DLG2: variants seen among roughly 807,000 people sequenced by gnomAD.
DLG2 encodes the protein disks large homolog 2.
DLG2 carries 45 observed loss-of-function variants against 132.5 expected under a neutral mutation model. The observed-to-expected ratio is 0.34, with a 90% confidence interval of 0.27 to 0.44. The LOEUF (loss-of-function observed/expected upper bound fraction) is 0.44. Among genes scored for constraint, DLG2 ranks in the 20% least tolerant of loss-of-function variants. The pLI is 1.00. For synonymous variants in DLG2, 424 were observed against 419.6 expected (o/e 1.01, Z -0.13); for missense variants, 1,045 against 1,196.9 (o/e 0.87, Z 1.87).
At chr11:84,623,812 C>T (rs780685427) in intron 6 of DLG2, among the ~76,000 whole-genome samples, 1 of 152,156 alleles carries the variant, frequency 6.6e-6, no homozygotes, top group Non-Finnish European at 1.5e-5. Flanking sequence ...TACATACGTC[C>T]TTCCCACCAC....
intron 10 of DLG2, among the ~76,000 whole-genome samples, chr11:84,098,124 C>G (rs752164752): frequency 1.0e-4 from 15 of 149,974 alleles, no homozygotes; most frequent in Non-Finnish European, 1.5e-4. Flanking sequence ...TCTCAGTTCA[C>G]TGGGATCAAG....
At chr11:84,411,105 CA>C (rs961397289) in intron 7 of DLG2, among the ~76,000 whole-genome samples, 1 of 152,120 alleles carries the variant, frequency 6.6e-6, no homozygotes, top group African/African-American at 2.4e-5. Context: ...TTTCAGTAAA[CA>C]GAGGTAGAAT....
intron 6 of DLG2, among the ~76,000 whole-genome samples, chr11:84,891,334 T>G (rs1165066606): frequency 2.6e-5 from 4 of 152,176 alleles, no homozygotes; most frequent in African/African-American, 9.6e-5. Context: ...ATATTAGTAT[T>G]TTTAAATTAT....
intron 18 of DLG2, among the ~76,000 whole-genome samples, chr11:83,712,996 A>T (rs969862009): frequency 1.1e-4 from 16 of 140,450 alleles, no homozygotes; most frequent in Middle Eastern, 4.1e-3. Context: ...GAAAGAAAAT[A>T]AAAAAAAATT....
chr11:85,422,200 C>T (rs1394432322), intron 3 of DLG2, among the ~76,000 whole-genome samples: 2 of 152,160 alleles, frequency 1.3e-5, no homozygotes, highest in African/African-American at 4.8e-5. Flanking sequence ...CCCAGGAATT[C>T]TTTGTGCTTA....
At chr11:85,527,182 T>TA (rs2074828275) in intron 3 of DLG2, among the ~76,000 whole-genome samples, 1 of 150,674 alleles carries the variant, frequency 6.6e-6, no homozygotes. Context: ...TTTTATTTTT[T>TA]TTTTTTTTTA....
intron 7 of DLG2, among the ~76,000 whole-genome samples, chr11:84,254,381 G>A (rs565962050): frequency 9.2e-5 from 14 of 152,212 alleles, no homozygotes; most frequent in African/African-American, 3.1e-4. Context: ...CAAGAAGACT[G>A]TATGTCTAAA....
intron 3 of DLG2, among the ~76,000 whole-genome samples, chr11:85,475,017 C>A (rs1239672081): frequency 1.3e-5 from 2 of 150,972 alleles, no homozygotes; most frequent in African/African-American, 4.8e-5. Flanking sequence ...AATAAAATTT[C>A]TAAAAAGTTA....
intron 2 of DLG2, among the ~76,000 whole-genome samples, chr11:85,608,846 G>T (rs753761134): frequency 2.6e-5 from 4 of 152,182 alleles, no homozygotes; most frequent in Admixed American, 1.3e-4. Flanking sequence ...AATCTCTTTT[G>T]GAGAGATGTC....
At chr11:84,322,595 A>T (rs2098410586) in intron 7 of DLG2, among the ~76,000 whole-genome samples, 1 of 56,406 alleles carries the variant, frequency 1.8e-5, no homozygotes, top group Non-Finnish European at 3.1e-5. Flanking sequence ...ATTTCACAAG[A>T]ATTTTTTTTT....
intron 24 of DLG2, among the ~76,000 whole-genome samples, chr11:83,469,911 T>C (rs922086197): frequency 6.6e-6 from 1 of 152,266 alleles, no homozygotes; most frequent in Non-Finnish European, 1.5e-5. Context: ...TCTCAACATA[T>C]ATAAAATAAG....
At chr11:84,995,832 T>C (rs1391300536) in intron 6 of DLG2, among the ~76,000 whole-genome samples, 3 of 152,186 alleles carry the variant, frequency 2.0e-5, no homozygotes, top group Admixed American at 6.5e-5. Flanking sequence ...GGGAAATCGT[T>C]AGCAATACAG....
At position 85,227,567 on chromosome 11, in the gene DLG2, A is replaced by G. The variant is rs138226814; in HGVS notation, c.186+57653T>C. 2.2e-3 allele frequency among the ~76,000 whole-genome samples: 331 copies of G among 152,262 alleles called. 5 individuals carry two copies. The highest frequency in any genetic ancestry group is 7.5e-3 in the African/African-American group (310 of 41,572). ...TCAAAAATGAGCAAATAAATCTGTA[A>G]GTATTTTCTATCTGCCTTGCATAAT... is the stretch of plus-strand genomic sequence containing the variant. On this transcript the variant is annotated intron_variant, in intron 4 of 27. Transcript: ENST00000376104.
intron 6 of DLG2, among the ~76,000 whole-genome samples, chr11:84,623,334 A>T (rs544350528): frequency 2.6e-5 from 4 of 152,188 alleles, no homozygotes; most frequent in Non-Finnish European, 5.9e-5. Context: ...CTCCCTATCA[A>T]AATTCTACTC....
At chr11:85,367,799 G>A (rs1035809161) in intron 3 of DLG2, among the ~76,000 whole-genome samples, 3 of 151,658 alleles carry the variant, frequency 2.0e-5, no homozygotes, top group Non-Finnish European at 2.9e-5. Context: ...TACCTATTTC[G>A]GTTGCATCTT....
At chr11:85,398,242 C>T (rs1192613958) in intron 3 of DLG2, among the ~76,000 whole-genome samples, 1 of 152,004 alleles carries the variant, frequency 6.6e-6, no homozygotes, top group Admixed American at 6.6e-5. Context: ...AGAACAAAGA[C>T]ACAACGTACC....
chr11:83,792,287 A>G (rs1052527835), intron 17 of DLG2, among the ~76,000 whole-genome samples: 3 of 152,208 alleles, frequency 2.0e-5, no homozygotes, highest in Non-Finnish European at 4.4e-5. Context: ...TTGCTATTGC[A>G]CATTTTCAAA....
intron 5 of DLG2, among the ~76,000 whole-genome samples, chr11:85,139,041 C>T (rs951372087): frequency 6.6e-6 from 1 of 152,106 alleles, no homozygotes; most frequent in Non-Finnish European, 1.5e-5. Flanking sequence ...TCATTCAAGG[C>T]TCTGCTCAGA....
intron 5 of DLG2, among the ~76,000 whole-genome samples, chr11:85,124,335 T>G (rs1303628875): frequency 6.6e-6 from 1 of 152,238 alleles, no homozygotes; most frequent in East Asian, 1.9e-4. Context: ...TTCTCTACCA[T>G]ACGGTGATGC....
Sources: gnomAD v4.1 joint callset for allele counts (sites outside exome capture counted in the v4.1 genomes callset) on GRCh38, gnomAD v4.1.1 for gene constraint, MANE v1.5 for transcripts, NCBI Gene and HGNC (gene_info 2026-07-23, HGNC 2026-07-21) for gene names.